The following ROCK1 variants were observed in gnomAD, a reference collection of about 807,000 sequenced individuals.
The protein encoded by ROCK1 is rho-associated protein kinase 1.
In ROCK1, 36 loss-of-function variants were observed where a neutral mutation model predicts 196.8. The observed-to-expected ratio is 0.18, with a 90% CI of 0.14 to 0.24. ROCK1 has a LOEUF of 0.24. Among genes scored for constraint, ROCK1 ranks in the 10% least tolerant of loss-of-function variants. The pLI is 1.00. For missense variants in ROCK1, 920 were observed against 1,562.0 expected, an observed-to-expected ratio of 0.59 and a Z score of 6.93; for synonymous variants, 443 against 515.9, an observed-to-expected ratio of 0.86 and a Z score of 1.91.
At chr18:20,999,005 C>T (rs1176127823) in intron 16 of ROCK1, among the ~76,000 whole-genome samples, 1 of 151,900 alleles carries the variant, frequency 6.6e-6, no homozygotes. Context: ...TTCTACAAGG[C>T]CAGTATTACC....
At position 21,044,162 on chromosome 18, in the gene ROCK1, C is replaced by T. The variant is rs1259248551; in HGVS notation, c.615G>A (p.Leu205=). 7 of 1,611,516 alleles carry T rather than the reference C, an allele frequency of 4.3e-6. No homozygotes were observed. Among genetic ancestry groups the T allele is most frequent in the Admixed American group, 1.7e-5 (1 of 59,812 alleles). The change falls in exon 6 of 33, where the codon CTG becomes CTA. Residue 205 remains leucine (L), a synonymous_variant. Coordinates refer to ENST00000399799, the MANE Select transcript of ROCK1 (RefSeq NM_005406.3). ...IHRDVKPDNM[L]LDKSGHLKLA... ...ACTTCAAATGTCCAGATTTATCCAG[C>T]AGCATGTTATCAGGCTTCACATCTC...
chr18:21,029,322 C>A (rs2035987021), intron 9 of ROCK1, among the ~76,000 whole-genome samples: 1 of 152,064 alleles, frequency 6.6e-6, no homozygotes, highest in African/African-American at 2.4e-5. Context: ...AATTGTTTAG[C>A]TTTAAATATA....
chr18:21,023,624 C>T lies in ROCK1; in HGVS notation c.1268G>A (p.Ser423Asn). The T allele has an allele frequency of 6.5e-7, 1 of 1,537,746 alleles. No individual in the cohort carries two copies. Among genetic ancestry groups the T allele is most frequent in the Non-Finnish European group, 8.8e-7 (1 of 1,131,516 alleles). Residue 423 changes from serine to asparagine, a missense_variant, in exon 11 of 33, where the codon AGC (serine) becomes AAC (asparagine). Physicochemically the swap from Ser to Asn is conservative, Grantham distance 46. This residue lies in a region of ROCK1 where 520 missense variants were observed against 657.1 expected (regional missense o/e 0.79). Transcript: ENST00000399799. ...DNRTSSNADK[S>N]LQESLQKTIY... is the part of the protein sequence containing the mutation. ...TAATACTAAGAAAATACCTACCAAG[C>T]TTTTATCTGCATTGGAGCTAGTTCT...
intron 13 of ROCK1, among the ~76,000 whole-genome samples, chr18:21,013,415 T>C (rs1004701715): frequency 7.9e-5 from 12 of 152,172 alleles, no homozygotes; most frequent in East Asian, 1.9e-4. Context: ...CAGGCCTCCA[T>C]TGAGTGCACC....
chr18:21,110,084 T>C (rs2036737121), intron 1 of ROCK1, among the ~76,000 whole-genome samples: 1 of 152,082 alleles, frequency 6.6e-6, no homozygotes, highest in Admixed American at 6.6e-5. Context: ...ACCACTTAAC[T>C]ATTTTTAAAA....
intron 22 of ROCK1, among the ~76,000 whole-genome samples, chr18:20,979,701 ATC>A (rs1426723298): frequency 6.6e-6 from 1 of 152,154 alleles, no homozygotes; most frequent in Non-Finnish European, 1.5e-5. Context: ...AGTTTAATGA[ATC>A]TCTGCAATTG....
At chr18:21,092,580 T>TAAAAAAAA (rs35799573) in intron 1 of ROCK1, among the ~76,000 whole-genome samples, 3 of 81,110 alleles carry the variant, frequency 3.7e-5, no homozygotes, top group East Asian at 3.4e-4. Flanking sequence ...ACCTCATCTT[T>TAAAAAAAA]AAAAAAAAAA....
intron 1 of ROCK1, among the ~76,000 whole-genome samples, chr18:21,096,701 A>C (rs2036615942): frequency 6.6e-6 from 1 of 152,230 alleles, no homozygotes; most frequent in Admixed American, 6.5e-5. Flanking sequence ...ATTAACAAAC[A>C]AGATAGCCCT....
intron 13 of ROCK1, among the ~76,000 whole-genome samples, chr18:21,011,724 G>A (rs2035818961): frequency 6.6e-6 from 1 of 152,100 alleles, no homozygotes; most frequent in Admixed American, 6.5e-5. Context: ...CCAAAGTGCT[G>A]GGATTACAGA....
intron 16 of ROCK1, among the ~76,000 whole-genome samples, chr18:20,994,251 T>C (rs1412658986): frequency 1.3e-5 from 2 of 152,222 alleles, no homozygotes; most frequent in Non-Finnish European, 2.9e-5. Context: ...TGTGTGTTTG[T>C]GTGGACAGAG....
chr18:21,106,345 C>T (rs180919627), intron 1 of ROCK1, among the ~76,000 whole-genome samples: 1,626 of 152,256 alleles, frequency 0.011, 92 homozygotes, highest in Admixed American at 0.097. Flanking sequence ...CTGTGTCGTC[C>T]AGGCTGGAGT....
chr18:21,091,249 C>G (rs908121014), intron 1 of ROCK1, among the ~76,000 whole-genome samples: 19 of 152,010 alleles, frequency 1.2e-4, no homozygotes, highest in South Asian at 1.0e-3. Flanking sequence ...ATTTTCTCTC[C>G]CTTATGATTT....
chr18:21,040,935 C>T (rs2036100291), intron 8 of ROCK1, among the ~76,000 whole-genome samples: 1 of 151,862 alleles, frequency 6.6e-6, no homozygotes, highest in East Asian at 1.9e-4. Context: ...CCAGCCTGGC[C>T]AACATAGTGA....
intron 1 of ROCK1, among the ~76,000 whole-genome samples, chr18:21,074,026 C>T (rs1598553090): frequency 6.6e-6 from 1 of 151,936 alleles, no homozygotes; most frequent in African/African-American, 2.4e-5. Context: ...GGCGTGGTGC[C>T]GCATGCTTGC....
chr18:21,026,931 TTTTC>T (rs1160444960), intron 10 of ROCK1, among the ~76,000 whole-genome samples: 31 of 151,680 alleles, frequency 2.0e-4, no homozygotes, highest in Admixed American at 7.2e-4. Context: ...TTAGATTTCT[TTTTC>T]TTTCTTTTTT....
chr18:20,987,106 C>T lies in ROCK1; in HGVS notation c.2148G>A (p.Met716Ile). ...CTCTTTCTTCTTTCAGCTTTTTTTC[C>T]ATCTCTGGGAAAGCAAAAAGTTACA... is the stretch of plus-strand genomic sequence containing the variant. ...EEAKSVAMCEMEKKLKEEREA... is the reference protein window; with the variant it reads ...EEAKSVAMCEIEKKLKEEREA... Residue 716 changes from methionine (M) to isoleucine (I), a missense_variant, in exon 19 of 33, where the codon ATG (methionine) becomes ATA (isoleucine). By Grantham distance (10) the Met-to-Ile change is conservative. This residue lies in a region of ROCK1 where 520 missense variants were observed against 657.1 expected (regional missense o/e 0.79). Transcript: ENST00000399799. 6.2e-7 allele frequency: 1 copy of T among 1,610,364 alleles called. No individual in the cohort carries two copies. The highest frequency in any genetic ancestry group is 1.1e-5 in the South Asian group (1 of 89,736).
chr18:21,037,703 T>C (rs2036069163), intron 9 of ROCK1, among the ~76,000 whole-genome samples: 1 of 152,120 alleles, frequency 6.6e-6, no homozygotes, highest in East Asian at 1.9e-4. Context: ...ATGCAGATCT[T>C]AAGTAGTTTT....
intron 1 of ROCK1, among the ~76,000 whole-genome samples, chr18:21,104,109 T>C (rs1258813499): frequency 6.6e-6 from 1 of 152,222 alleles, no homozygotes. Flanking sequence ...GAACTCTATA[T>C]ATAATATTTC....
intron 15 of ROCK1, 45 bp from the exon 16 acceptor site, chr18:21,006,642 G>A (rs1451617641): frequency 1.8e-5 from 28 of 1,590,436 alleles, no homozygotes; most frequent in East Asian, 4.5e-5. Flanking sequence ...ACCAAAGTAC[G>A]ATATAATTTA....
Sources: allele counts gnomAD v4.1 joint callset (sites outside exome capture counted in the v4.1 genomes callset), GRCh38; gene constraint gnomAD v4.1.1; regional missense constraint gnomAD v4.1.1; transcripts MANE v1.5; gene names NCBI Gene and HGNC (gene_info 2026-07-23, HGNC 2026-07-21).